Variants in ADORA2B observed in about 807,000 individuals in gnomAD.
ADORA2B encodes the protein adenosine A2b receptor.
ADORA2B carries 18 observed loss-of-function variants against 20.8 expected under a neutral mutation model. The observed-to-expected ratio is 0.87, with a 90% confidence interval of 0.60 to 1.29. The LOEUF (loss-of-function observed/expected upper bound fraction) is 1.29. ADORA2B is among the 50% of genes most tolerant of loss of function. The probability of loss-of-function intolerance (pLI) is 0.00; values close to 1 mark genes in which losing one functional copy is unlikely to be tolerated. For missense variants in ADORA2B, 441 were observed against 422.7 expected (o/e 1.04, Z -0.38); for synonymous variants, 179 against 178.3 (o/e 1.00, Z -0.03).
intron 1 of ADORA2B, among the ~76,000 whole-genome samples, chr17:15,961,144 G>A (rs1401722260): frequency 3.4e-5 from 5 of 146,036 alleles, no homozygotes; most frequent in African/African-American, 1.3e-4. Flanking sequence ...TCCAGCCTTG[G>A]CAACAGAGCG....
At chr17:15,927,910 C>A in the ADORA2B span, among the ~76,000 whole-genome samples, 1 of 151,992 alleles carries the variant, frequency 6.6e-6, no homozygotes, top group African/African-American at 2.4e-5. Flanking sequence ...GCCTAAAGCC[C>A]AGAAGAAAAA....
the ADORA2B span, among the ~76,000 whole-genome samples, chr17:15,873,654 G>A: frequency 6.6e-6 from 1 of 151,990 alleles, no homozygotes; most frequent in African/African-American, 2.4e-5. Context: ...ACTCAACATC[G>A]CTAATCATTA....
the ADORA2B span, among the ~76,000 whole-genome samples, chr17:15,912,000 G>A: frequency 6.6e-6 from 1 of 152,086 alleles, no homozygotes; most frequent in African/African-American, 2.4e-5. Context: ...ATCACCTGAG[G>A]TCAGAAGTTT....
the ADORA2B span, among the ~76,000 whole-genome samples, chr17:15,875,391 T>G: frequency 6.6e-5 from 10 of 152,240 alleles, no homozygotes; most frequent in African/African-American, 2.4e-4. Context: ...GGATTTCTTT[T>G]CAGCCCCCAG....
chr17:15,885,713 C>T, the ADORA2B span, among the ~76,000 whole-genome samples: 1 of 128,592 alleles, frequency 7.8e-6, no homozygotes. Flanking sequence ...GACTCCGTAT[C>T]AAAAAAAAAA....
chr17:15,933,135 TTAGTG>T, the ADORA2B span, among the ~76,000 whole-genome samples: 1 of 152,058 alleles, frequency 6.6e-6, no homozygotes, highest in Non-Finnish European at 1.5e-5. Flanking sequence ...TTTTATATCT[TTAGTG>T]GAGATGGGGT....
chr17:15,923,091 C>T, the ADORA2B span, among the ~76,000 whole-genome samples: 1 of 150,784 alleles, frequency 6.6e-6, no homozygotes, highest in African/African-American at 2.4e-5. Flanking sequence ...GGTGTGATCT[C>T]GGCTCACTGC....
chr17:15,937,643 G>T, the ADORA2B span, among the ~76,000 whole-genome samples: 1 of 151,602 alleles, frequency 6.6e-6, no homozygotes, highest in Non-Finnish European at 1.5e-5. Context: ...CGCCATCTTG[G>T]CTCACTGCAA....
the ADORA2B span, among the ~76,000 whole-genome samples, chr17:15,915,053 G>A: frequency 6.6e-6 from 1 of 152,178 alleles, no homozygotes; most frequent in African/African-American, 2.4e-5. Flanking sequence ...CAGTCCTGGG[G>A]TTCAGAAGTG....
chr17:15,912,496 T>C, the ADORA2B span, among the ~76,000 whole-genome samples: 11 of 152,190 alleles, frequency 7.2e-5, no homozygotes, highest in African/African-American at 2.7e-4. Context: ...CCCTAGGGCC[T>C]CTGCATCTTC....
At chr17:15,945,738 C>T (rs1171081630) in intron 1 of ADORA2B, among the ~76,000 whole-genome samples, 155 bp downstream of exon 1, 1 of 152,172 alleles carries the variant, frequency 6.6e-6, no homozygotes, top group Non-Finnish European at 1.5e-5. Flanking sequence ...CTGGCCACCC[C>T]GCAACGCTAG....
the ADORA2B span, among the ~76,000 whole-genome samples, chr17:15,918,381 G>C: frequency 3.3e-5 from 5 of 152,170 alleles, no homozygotes; most frequent in African/African-American, 1.2e-4. Context: ...CCTTTCCTCC[G>C]GTAGGGGCCT....
chr17:15,869,808 G>A, the ADORA2B span, among the ~76,000 whole-genome samples: 3 of 152,014 alleles, frequency 2.0e-5, no homozygotes, highest in Non-Finnish European at 2.9e-5. Flanking sequence ...CAGAAAAATG[G>A]CATTTTTCCA....
the ADORA2B span, among the ~76,000 whole-genome samples, chr17:15,935,995 T>G: frequency 6.6e-6 from 1 of 151,740 alleles, no homozygotes; most frequent in Admixed American, 6.6e-5. Flanking sequence ...GCCTCCTGAG[T>G]AGCTGGAATT....
At chr17:15,856,686 T>C in the ADORA2B span, among the ~76,000 whole-genome samples, 1 of 152,168 alleles carries the variant, frequency 6.6e-6, no homozygotes, top group East Asian at 1.9e-4. Context: ...CTTATTGGGA[T>C]CTGGAGCAAA....
chr17:15,916,218 A>G, the ADORA2B span, among the ~76,000 whole-genome samples: 1 of 152,144 alleles, frequency 6.6e-6, no homozygotes, highest in Non-Finnish European at 1.5e-5. Flanking sequence ...GTGTCCTGGG[A>G]TGGGAATCAG....
chr17:15,895,592 G>T, the ADORA2B span, among the ~76,000 whole-genome samples: 1 of 152,194 alleles, frequency 6.6e-6, no homozygotes, highest in Non-Finnish European at 1.5e-5. Flanking sequence ...CTGTATCTGC[G>T]CTGCCTTCAT....
At chr17:15,944,928 T>G, upstream of ADORA2B, 1 of 199,918 alleles carries the variant, frequency 5.0e-6, no homozygotes, top group Non-Finnish European at 1.0e-5. The surrounding 1 kb of genome is among the most constrained non-coding windows in gnomAD (Gnocchi z 4.8). Context: ...GGCAATTTGT[T>G]AGTTATCCGC....
the ADORA2B span, among the ~76,000 whole-genome samples, chr17:15,867,158 G>C: frequency 1.4e-4 from 21 of 152,260 alleles, no homozygotes; most frequent in Middle Eastern, 3.4e-3. Flanking sequence ...CCAGCTGCCT[G>C]CCTTGGCCCC....
Sources: allele counts gnomAD v4.1 joint callset (sites outside exome capture counted in the v4.1 genomes callset), GRCh38; gene constraint gnomAD v4.1.1; non-coding constraint Gnocchi (gnomAD v3.1); transcripts MANE v1.5; gene names NCBI Gene and HGNC (gene_info 2026-07-23, HGNC 2026-07-21).